CABCOCO1: variants seen among roughly 807,000 people sequenced by gnomAD.
CABCOCO1 encodes ciliary associated calcium binding coiled-coil 1.
In CABCOCO1, 28 loss-of-function variants were observed where a neutral mutation model predicts 35.7. The ratio of observed to expected loss-of-function variants is 0.78; its 90% CI spans 0.58 to 1.07. CABCOCO1 has a LOEUF of 1.07. Ranked by LOEUF, CABCOCO1 falls within the 50% of genes least tolerant of loss-of-function variation. The pLI is 0.00. For missense variants in CABCOCO1, 326 were observed against 309.2 expected, an observed-to-expected ratio of 1.05 and a Z score of -0.41; for synonymous variants, 95 against 100.1, an observed-to-expected ratio of 0.95 and a Z score of 0.30.
intron 5 of CABCOCO1, among the ~76,000 whole-genome samples, chr10:61,711,695 G>A (rs1424141438): frequency 6.6e-6 from 1 of 151,852 alleles, no homozygotes; most frequent in Non-Finnish European, 1.5e-5. Flanking sequence ...ATATTTACAA[G>A]TTAGTTCATA....
At chr10:61,765,315 A>G (rs377159800) in intron 7 of CABCOCO1, among the ~76,000 whole-genome samples, 3 of 152,236 alleles carry the variant, frequency 2.0e-5, no homozygotes, top group African/African-American at 7.2e-5. Flanking sequence ...GTGAGTCCAC[A>G]GAAGATCGCT....
At chr10:61,712,765 C>G (rs1288185815) in intron 5 of CABCOCO1, among the ~76,000 whole-genome samples, 2 of 152,150 alleles carry the variant, frequency 1.3e-5, no homozygotes, top group Non-Finnish European at 2.9e-5. Flanking sequence ...ATAGGGAATC[C>G]TTTCCCCATT....
At chr10:61,711,238 T>C (rs1374814204) in intron 5 of CABCOCO1, among the ~76,000 whole-genome samples, 1 of 152,046 alleles carries the variant, frequency 6.6e-6, no homozygotes, top group Non-Finnish European at 1.5e-5. Context: ...TCACCCACTA[T>C]ATAATTCCTA....
intron 5 of CABCOCO1, among the ~76,000 whole-genome samples, chr10:61,727,273 T>C (rs1387337081): frequency 6.6e-6 from 1 of 152,152 alleles, no homozygotes; most frequent in Non-Finnish European, 1.5e-5. Context: ...TCTCTATACC[T>C]ACACTAATAA....
At position 61,672,650 on chromosome 10, in the gene CABCOCO1, G is replaced by T. The variant is rs1839395710; in HGVS notation, c.79G>T (p.Glu27Ter). 1 of 939,274 alleles carries T rather than the reference G, an allele frequency of 1.1e-6. No individual in the cohort carries two copies. The highest frequency in any genetic ancestry group is 1.8e-5 in the African/African-American group (1 of 56,266). 58.2% of individuals were successfully genotyped at this position (939,274 alleles called of 1,614,324 possible). ...PESERDTEFQ[E>*]HEKILSPDFL... The stretch of plus-strand genomic sequence containing the variant: ...TTGGTAGAGAGACACTGAATTCCAG[G>T]AGCATGAAAAGATTCTGTCTCCGGA... The change falls in exon 2 of 8, where the codon GAG becomes TAG. Residue 27 changes from glutamate (E) to a stop codon, truncating the protein, a stop_gained. Transcript: ENST00000648843. LOFTEE classifies it high-confidence loss of function.
chr10:61,691,839 C>A (rs962792980), intron 5 of CABCOCO1, among the ~76,000 whole-genome samples: 1 of 152,114 alleles, frequency 6.6e-6, no homozygotes, highest in Admixed American at 6.6e-5. Context: ...TTTTTTATGG[C>A]TGCATAGTAT....
intron 5 of CABCOCO1, among the ~76,000 whole-genome samples, chr10:61,731,775 G>A (rs1240260176): frequency 4.3e-5 from 6 of 138,024 alleles, no homozygotes; most frequent in Non-Finnish European, 3.1e-5. Flanking sequence ...AGGAAGGGAA[G>A]GAGGGAGGGA....
intron 4 of CABCOCO1, among the ~76,000 whole-genome samples, chr10:61,686,698 C>T (rs1482334442): frequency 1.3e-5 from 2 of 152,120 alleles, no homozygotes; most frequent in East Asian, 1.9e-4. Flanking sequence ...TTTATTACAT[C>T]CCCTGAAATA....
chr10:61,699,692 G>T (rs999652008), intron 5 of CABCOCO1, among the ~76,000 whole-genome samples: 2 of 151,950 alleles, frequency 1.3e-5, no homozygotes, highest in Non-Finnish European at 2.9e-5. Flanking sequence ...AATAAAAAGT[G>T]CTTTCTCTTA....
chr10:61,759,969 G>A, intron 5 of CABCOCO1, 90 bp from the exon 6 acceptor site: 1 of 1,473,722 alleles, frequency 6.8e-7, no homozygotes, highest in Non-Finnish European at 9.1e-7. Flanking sequence ...TAACAGACTT[G>A]GAACTATGGT....
intron 5 of CABCOCO1, among the ~76,000 whole-genome samples, chr10:61,700,604 A>T (rs1840423240): frequency 6.6e-6 from 1 of 152,002 alleles, no homozygotes; most frequent in Non-Finnish European, 1.5e-5. Flanking sequence ...GATATATCAA[A>T]TTTTTTATTT....
chr10:61,743,661 A>G (rs1841596456), intron 5 of CABCOCO1, among the ~76,000 whole-genome samples: 1 of 152,098 alleles, frequency 6.6e-6, no homozygotes, highest in Non-Finnish European at 1.5e-5. Context: ...GCTTTTCACC[A>G]GTGTCACACA....
intron 5 of CABCOCO1, among the ~76,000 whole-genome samples, chr10:61,712,110 GCATTCC>G (rs1164447589): frequency 5.3e-5 from 8 of 151,418 alleles, no homozygotes; most frequent in African/African-American, 1.9e-4. Context: ...CAGTGTAAAA[GCATTCC>G]TATTTCTCCA....
At chr10:61,690,698 G>C in intron 5 of CABCOCO1, 77 bp downstream of exon 5, 2 of 888,068 alleles carry the variant, frequency 2.3e-6, no homozygotes. Flanking sequence ...ATCTTTAACT[G>C]CTTAAAGCAA....
In CABCOCO1 at chr10:61,765,360, C is replaced by T. The variant is rs189132876; in HGVS notation, c.817-579C>T. Among the ~76,000 whole-genome samples the T allele has an allele frequency of 2.6e-5, 4 of 152,306 alleles. No individual in the cohort carries two copies. The East Asian group carries it at 7.7e-4, about 29-fold the overall frequency. ...AAAATGCTATCACCACCTCGGCAAT[C>T]ACAAAACCTGAGAGCAATTGCTTAC... is the stretch of plus-strand genomic sequence containing the variant. On this transcript the variant is annotated intron_variant, in intron 7 of 7. Coordinates refer to ENST00000648843, the MANE Select transcript of CABCOCO1 (RefSeq NM_001366906.2).
chr10:61,751,678 C>A (rs556695564), intron 5 of CABCOCO1, among the ~76,000 whole-genome samples: 14 of 152,142 alleles, frequency 9.2e-5, no homozygotes, highest in Non-Finnish European at 1.9e-4. Context: ...CACAGGCAAG[C>A]AACTTTGAGT....
chr10:61,720,602 G>A (rs1840980805), intron 5 of CABCOCO1, among the ~76,000 whole-genome samples: 1 of 152,148 alleles, frequency 6.6e-6, no homozygotes, highest in Non-Finnish European at 1.5e-5. Context: ...ATTAAATTCA[G>A]TTGAACATAA....
At chr10:61,682,098 T>A (rs1564533636) in intron 3 of CABCOCO1, among the ~76,000 whole-genome samples, 1 of 152,184 alleles carries the variant, frequency 6.6e-6, no homozygotes, top group East Asian at 1.9e-4. Context: ...TAAAGGAAAG[T>A]AAAAATTTTC....
At chr10:61,676,372 T>C (rs1839512596) in intron 2 of CABCOCO1, among the ~76,000 whole-genome samples, 1 of 152,124 alleles carries the variant, frequency 6.6e-6, no homozygotes, top group African/African-American at 2.4e-5. Flanking sequence ...AAAATTAAAA[T>C]TAAATCCAAT....
Sources: gnomAD v4.1 joint callset for allele counts (sites outside exome capture counted in the v4.1 genomes callset) on GRCh38, gnomAD v4.1.1 for gene constraint, MANE v1.5 for transcripts, NCBI Gene and HGNC (gene_info 2026-07-23, HGNC 2026-07-21) for gene names.